The following ENOX2 variants were observed in gnomAD, a reference collection of about 807,000 sequenced individuals.
ENOX2 encodes the protein APK1 antigen.
A neutral mutation model predicts 45.0 loss-of-function variants in ENOX2; 36 were observed. That is an observed-to-expected ratio of 0.80 (90% confidence interval 0.61 to 1.06). The LOEUF (loss-of-function observed/expected upper bound fraction) is 1.06. Among genes scored for constraint, ENOX2 ranks in the 50% least tolerant of loss-of-function variants. The pLI, the probability that ENOX2 is intolerant of heterozygous loss-of-function variation, is 0.00. For missense variants in ENOX2, 423 were observed against 462.5 expected (o/e 0.91, Z 0.78); for synonymous variants, 174 against 152.3 (o/e 1.14, Z -1.05).
At chrX:130,694,956 A>G (rs1603307965) in intron 4 of ENOX2, among the ~76,000 whole-genome samples, 1 of 111,444 alleles carries the variant, frequency 9.0e-6, no homozygotes, top group Admixed American at 9.5e-5. Context: ...ATCTGACTTA[A>G]TCTTCACAAC....
intron 3 of ENOX2, among the ~76,000 whole-genome samples, chrX:130,780,443 T>A (rs1275866993): frequency 8.9e-6 from 1 of 112,016 alleles, no homozygotes; most frequent in Non-Finnish European, 1.9e-5. Context: ...GGTAAGTTTA[T>A]CCTTTATTTC....
At chrX:130,697,086 G>A (rs1463021100) in intron 4 of ENOX2, among the ~76,000 whole-genome samples, 1 of 111,087 alleles carries the variant, frequency 9.0e-6, no homozygotes, top group Non-Finnish European at 1.9e-5. Flanking sequence ...TTTGCTGAAT[G>A]AGGTGATGTA....
intron 2 of ENOX2, among the ~76,000 whole-genome samples, chrX:130,876,791 A>G (rs906047728): frequency 9.0e-6 from 1 of 111,638 alleles, no homozygotes; most frequent in Non-Finnish European, 1.9e-5. Flanking sequence ...GGATGGTACT[A>G]TGTCTAAGAG....
intron 3 of ENOX2, 40 bp from the exon 4 acceptor site, chrX:130,703,294 G>C: frequency 1.7e-6 from 2 of 1,144,325 alleles, no homozygotes; most frequent in Non-Finnish European, 2.3e-6. Flanking sequence ...GTTGTGTTAA[G>C]GTTCTAGCAA....
chrX:130,872,163 C>T (rs2078606452), intron 2 of ENOX2, among the ~76,000 whole-genome samples: 1 of 112,041 alleles, frequency 8.9e-6, no homozygotes, highest in African/African-American at 3.2e-5. Context: ...ATACTAGAAA[C>T]CATCTGACAA....
intron 3 of ENOX2, among the ~76,000 whole-genome samples, chrX:130,757,994 T>A (rs1385374746): frequency 3.6e-5 from 4 of 112,102 alleles, no homozygotes; most frequent in Non-Finnish European, 7.5e-5. Flanking sequence ...AAAATGAGGC[T>A]TATGACAATA....
intron 3 of ENOX2, among the ~76,000 whole-genome samples, chrX:130,756,691 C>G (rs1603340577): frequency 8.9e-6 from 1 of 112,222 alleles, no homozygotes; most frequent in East Asian, 2.8e-4. Context: ...TTTCTCCAGA[C>G]TGAATGGATC....
At position 130,796,174 on chromosome X, in the gene ENOX2, TGG is replaced by T. The variant is rs754624054; in HGVS notation, c.-182-12486_-182-12485del. ...GTCGCATGAACTCAGACAGTGGCAG[TGG>T]GATGAAAAAAAATGAATGGATTTCA... On this transcript the variant is annotated intron_variant, in intron 2 of 14. Transcript: ENST00000394363. Among the ~76,000 whole-genome samples the T allele has an allele frequency of 3.6e-5, 4 of 110,384 alleles. No individual in the cohort carries two copies. The East Asian group carries it at 1.1e-3, about 32-fold the overall frequency.
At chrX:130,680,659 C>A (rs956995516) in intron 5 of ENOX2, among the ~76,000 whole-genome samples, 1 of 112,526 alleles carries the variant, frequency 8.9e-6, no homozygotes, top group Non-Finnish European at 1.9e-5. Context: ...GCATGATGGT[C>A]ATGGGTTTTC....
At chrX:130,720,098 C>T (rs757210310) in intron 3 of ENOX2, among the ~76,000 whole-genome samples, 1 of 112,222 alleles carries the variant, frequency 8.9e-6, no homozygotes, top group Admixed American at 9.4e-5. Flanking sequence ...TATTATGATG[C>T]ATTAGAATCA....
rs1569483299 is a variant in ENOX2, at chrX:130,667,770, C to T, written c.695-28G>A. ...GAAAAAAATATATTTTTATAACCAACAAAGGTAACCAAATTTTGATCTATT... is the reference window on the plus strand; with the variant it reads ...GAAAAAAATATATTTTTATAACCAATAAAGGTAACCAAATTTTGATCTATT... On this transcript the variant is annotated intron_variant, in intron 7 of 14. Transcript: ENST00000394363. The T allele has an allele frequency of 3.7e-6, 4 of 1,089,813 alleles. No individual in the cohort carries two copies. In the South Asian group the frequency reaches 6.0e-5, roughly 16 times the overall value. 89.8% of individuals were successfully genotyped at this position (1,089,813 alleles called of 1,213,427 possible).
intron 3 of ENOX2, among the ~76,000 whole-genome samples, chrX:130,780,148 T>C (rs777599548): frequency 2.3e-4 from 25 of 110,929 alleles, no homozygotes; most frequent in Middle Eastern, 4.6e-3. Flanking sequence ...AGAAGACTTG[T>C]TTTGGGGAGT....
intron 3 of ENOX2, among the ~76,000 whole-genome samples, chrX:130,720,805 T>A (rs1363860477): frequency 9.0e-6 from 1 of 111,345 alleles, no homozygotes; most frequent in Non-Finnish European, 1.9e-5. Context: ...AGCATCTACT[T>A]GTGGTTGGGT....
intron 4 of ENOX2, among the ~76,000 whole-genome samples, chrX:130,693,898 A>T (rs2037683254): frequency 9.0e-6 from 1 of 111,700 alleles, no homozygotes; most frequent in Non-Finnish European, 1.9e-5. Flanking sequence ...TTTCATCCTC[A>T]TGGAAGGCTG....
At chrX:130,845,800 C>T (rs1311462231) in intron 2 of ENOX2, among the ~76,000 whole-genome samples, 2 of 112,288 alleles carry the variant, frequency 1.8e-5, no homozygotes, top group Non-Finnish European at 3.8e-5. Context: ...AGATAGATGT[C>T]ATTTCACTTC....
At chrX:130,846,337 A>ATT (rs772373264) in intron 2 of ENOX2, among the ~76,000 whole-genome samples, 4 of 99,761 alleles carry the variant, frequency 4.0e-5, no homozygotes, top group Non-Finnish European at 6.2e-5. Flanking sequence ...CCATGTGGCA[A>ATT]TTTTTTTTTT....
rs183821526 is a variant in ENOX2, at chrX:130,687,176, T to G, written c.253+1687A>C. ...GCTCAACAATATGGTCTATGTGTCA[T>G]AAACAAGGCATCTGTACTTTAGAAA... On this transcript the variant is annotated intron_variant, in intron 5 of 14. Coordinates refer to ENST00000394363, the MANE Select transcript of ENOX2 (RefSeq NM_006375.4). 1.3e-3 allele frequency among the ~76,000 whole-genome samples: 147 copies of G among 112,532 alleles called. 1 individual carries two copies. The highest frequency in any genetic ancestry group is 0.012 in the Admixed American group (125 of 10,710).
Position 130,670,215 on chromosome X carries a change from G to A in ENOX2, c.461-17C>T, listed in dbSNP as rs1191411851. 9.1e-7 allele frequency: 1 copy of A among 1,100,384 alleles called. No individual in the cohort carries two copies. Among genetic ancestry groups the A allele is most frequent in the East Asian group, 3.0e-5 (1 of 33,293 alleles). The allele number at this position is 1,100,384 out of a possible 1,213,427, so 90.7% of individuals were successfully genotyped here. A position where few individuals can be genotyped will look rare whatever the true frequency, so the allele number is the denominator to read the frequency against. Reference sequence around the variant, plus strand: ...TGCGGTAACCTAAGTCCACAGGAGGGTGAAAGGGAGAGGAGAGAGGGAGAG... The same window carrying A: ...TGCGGTAACCTAAGTCCACAGGAGGATGAAAGGGAGAGGAGAGAGGGAGAG... On this transcript the variant is annotated splice_polypyrimidine_tract_variant and intron_variant, in intron 6 of 14. Transcript: ENST00000394363.
intron 3 of ENOX2, among the ~76,000 whole-genome samples, chrX:130,757,733 G>A (rs763510888): frequency 3.6e-4 from 40 of 110,411 alleles, no homozygotes; most frequent in Non-Finnish European, 6.8e-4. Context: ...GAGATACTAC[G>A]CATTCTTTTT....
Sources: gnomAD v4.1 joint callset for allele counts (sites outside exome capture counted in the v4.1 genomes callset) on GRCh38, gnomAD v4.1.1 for gene constraint, MANE v1.5 for transcripts, NCBI Gene and HGNC (gene_info 2026-07-23, HGNC 2026-07-21) for gene names.